The following CCDC122 variants were observed in gnomAD, a reference collection of about 807,000 sequenced individuals.
CCDC122 encodes the protein coiled-coil domain-containing protein 122.
Under a neutral mutation model 37.0 loss-of-function variants are expected in CCDC122, and 38 were observed. The observed-to-expected ratio is 1.03, with a 90% confidence interval of 0.79 to 1.35. CCDC122 has a LOEUF of 1.35. Ranked by LOEUF, CCDC122 falls within the 40% of genes most tolerant of loss-of-function variation. CCDC122 has a pLI of 0.00. For synonymous variants in CCDC122, 83 were observed against 95.6 expected (o/e 0.87, Z 0.77); for missense variants, 305 against 310.0 (o/e 0.98, Z 0.12).
At chr13:43,830,161 C>T (rs1476016309) in intron 3 of CCDC122, among the ~76,000 whole-genome samples, 2 of 152,164 alleles carry the variant, frequency 1.3e-5, no homozygotes, top group African/African-American at 4.8e-5. Context: ...CAGGAGTGAG[C>T]CACCGCGCCC....
chr13:43,854,594 G>A (rs1953846282), intron 6 of CCDC122: 1 of 152,150 alleles, frequency 6.6e-6, no homozygotes. Flanking sequence ...CCAAAAAATT[G>A]AGGAGGATGG....
chr13:43,830,924 TGA>T (rs1354678783), intron 3 of CCDC122, among the ~76,000 whole-genome samples: 1 of 152,054 alleles, frequency 6.6e-6, no homozygotes, highest in Non-Finnish European at 1.5e-5. Flanking sequence ...GAAAGAAACA[TGA>T]GAGAATTACA....
In CCDC122 at chr13:43,859,834, TTTTGCATAATA is replaced by T. The variant is rs1407392383; in HGVS notation, c.382_392del (p.Tyr128AsnfsTer5). 3 of 1,609,666 alleles carry T rather than the reference TTTTGCATAATA, an allele frequency of 1.9e-6. No homozygotes were observed. The highest frequency in any genetic ancestry group is 1.7e-6 in the Non-Finnish European group (2 of 1,178,524). ...CCAAACTATTTTTATGTGCTTTTAT[TTTTGCATAATA>T]TGCATTATATTTTATCATGTGTTCC... On this transcript the variant is annotated frameshift_variant, in exon 5 of 7. Transcript: ENST00000444614. LOFTEE classifies it high-confidence loss of function.
chr13:43,837,038 A>C lies in CCDC122; in HGVS notation c.*242T>G. The C allele has an allele frequency of 2.3e-6, 1 of 427,312 alleles. No homozygotes were observed. Among genetic ancestry groups the C allele is most frequent in the Non-Finnish European group, 4.2e-6 (1 of 240,800 alleles). 26.5% of individuals were successfully genotyped at this position (427,312 alleles called of 1,614,324 possible). A position where few individuals can be genotyped will look rare whatever the true frequency, so the allele number is the denominator to read the frequency against. ...TTACACACTCCAAATAGTCACAGAGACTCTTGCATTATTTTCCCGTAGACA... is the reference window on the plus strand; with the variant it reads ...TTACACACTCCAAATAGTCACAGAGCCTCTTGCATTATTTTCCCGTAGACA... On this transcript the variant is annotated 3_prime_UTR_variant, in exon 7 of 7. Coordinates refer to ENST00000444614, the MANE Select transcript of CCDC122 (RefSeq NM_144974.5).
chr13:43,847,332 T>A (rs1270390199), intron 6 of CCDC122, among the ~76,000 whole-genome samples: 1 of 152,130 alleles, frequency 6.6e-6, no homozygotes, highest in African/African-American at 2.4e-5. Flanking sequence ...GAGGTGAGAG[T>A]AATGATAGAG....
chr13:43,851,163 T>C (rs561994035), intron 6 of CCDC122, among the ~76,000 whole-genome samples: 1 of 152,200 alleles, frequency 6.6e-6, no homozygotes, highest in Non-Finnish European at 1.5e-5. Flanking sequence ...AAAGAATGTG[T>C]TACCAGCAGA....
In CCDC122 at chr13:43,837,157, C is replaced by G; in HGVS notation, c.*123G>C. On this transcript the variant is annotated 3_prime_UTR_variant, in exon 7 of 7. Coordinates refer to ENST00000444614, the MANE Select transcript of CCDC122 (RefSeq NM_144974.5). ...TAAAAAAAACAACAACCGAAGACAT[C>G]TGTCATTAAGACAGGTCTCTAATAG... is the stretch of plus-strand genomic sequence containing the variant. The G allele has an allele frequency of 2.1e-6, 2 of 930,398 alleles. No homozygotes were observed. The highest frequency in any genetic ancestry group is 3.2e-6 in the Non-Finnish European group (2 of 627,160). The allele number at this position is 930,398 out of a possible 1,614,324, so 57.6% of individuals were successfully genotyped here. A position where few individuals can be genotyped will look rare whatever the true frequency, so the allele number is the denominator to read the frequency against.
intron 6 of CCDC122, among the ~76,000 whole-genome samples, chr13:43,837,847 G>C (rs1953217619): frequency 6.6e-6 from 1 of 152,218 alleles, no homozygotes; most frequent in South Asian, 2.1e-4. Flanking sequence ...TGCCCTGGGG[G>C]ACTCTACTTT....
chr13:43,824,692 A>T (rs1953023198), intron 3 of CCDC122, among the ~76,000 whole-genome samples: 1 of 152,216 alleles, frequency 6.6e-6, no homozygotes, highest in African/African-American at 2.4e-5. Context: ...AAGGAACTTA[A>T]ACAAATCAAC....
intron 6 of CCDC122, among the ~76,000 whole-genome samples, chr13:43,837,819 C>G (rs1205269190): frequency 6.6e-6 from 1 of 152,108 alleles, no homozygotes; most frequent in Non-Finnish European, 1.5e-5. Context: ...AAGAGAGTTA[C>G]CGGTGTTAAA....
chr13:43,874,111 G>A (rs1168353830), intron 2 of CCDC122, among the ~76,000 whole-genome samples: 3 of 152,148 alleles, frequency 2.0e-5, no homozygotes, highest in Non-Finnish European at 4.4e-5. Flanking sequence ...AATTGTTTCA[G>A]TATTTCTATT....
At chr13:43,828,599 CGT>C (rs1953061775) in intron 3 of CCDC122, among the ~76,000 whole-genome samples, 2 of 136,324 alleles carry the variant, frequency 1.5e-5, no homozygotes, top group Admixed American at 7.4e-5. Context: ...CACACACACA[CGT>C]GTCTTTCTTG....
At chr13:43,828,922 A>G (rs772631921) in intron 3 of CCDC122, among the ~76,000 whole-genome samples, 6 of 152,178 alleles carry the variant, frequency 3.9e-5, no homozygotes, top group Non-Finnish European at 8.8e-5. Context: ...AGCATCATTA[A>G]TTTACAAGTT....
chr13:43,869,198 G>A (rs1293879730), intron 3 of CCDC122, 133 bp downstream of exon 3: 3 of 713,370 alleles, frequency 4.2e-6, no homozygotes, highest in African/African-American at 1.8e-5. Context: ...CACTGTATAT[G>A]TTTGTCCCAG....
At chr13:43,831,204 G>C (rs1953085934) in intron 3 of CCDC122, among the ~76,000 whole-genome samples, 2 of 151,980 alleles carry the variant, frequency 1.3e-5, no homozygotes, top group African/African-American at 4.8e-5. Flanking sequence ...AACGACACTT[G>C]AGAGTGGCTA....
rs1203629692 is a variant in CCDC122 at position 43,858,936 on chromosome 13, A to C, written c.556-39T>G. On this transcript the variant is annotated intron_variant, in intron 5 of 6. Coordinates refer to ENST00000444614, the MANE Select transcript of CCDC122 (RefSeq NM_144974.5). The stretch of plus-strand genomic sequence containing the variant: ...ACATTTGAAATATAGAAGTCAAAAA[A>C]GGATGATCAATATAAATCCAATTTT... The C allele has an allele frequency of 2.3e-6, 3 of 1,325,254 alleles. No homozygotes were observed. The South Asian group carries it at 4.5e-5, about 20-fold the overall frequency. The allele number at this position is 1,325,254 out of a possible 1,614,324, so 82.1% of individuals were successfully genotyped here. A position where few individuals can be genotyped will look rare whatever the true frequency, so the allele number is the denominator to read the frequency against.
intron 3 of CCDC122, among the ~76,000 whole-genome samples, chr13:43,825,544 T>C (rs1348077173): frequency 6.6e-6 from 1 of 152,050 alleles, no homozygotes; most frequent in African/African-American, 2.4e-5. Flanking sequence ...CCAACTTGGG[T>C]GGATCACCTG....
At chr13:43,861,311 C>G (rs1156927653) in intron 4 of CCDC122, among the ~76,000 whole-genome samples, 1 of 152,150 alleles carries the variant, frequency 6.6e-6, no homozygotes, top group Admixed American at 6.5e-5. Context: ...GTTACATAAT[C>G]AAACCCAGAG....
intron 4 of CCDC122, among the ~76,000 whole-genome samples, chr13:43,866,172 A>C (rs1036000007): frequency 1.1e-4 from 17 of 152,210 alleles, no homozygotes; most frequent in Non-Finnish European, 4.4e-5. Flanking sequence ...TTAAATTTAC[A>C]AATTGTTTAT....
Sources: gnomAD v4.1 joint callset for allele counts (sites outside exome capture counted in the v4.1 genomes callset) on GRCh38, gnomAD v4.1.1 for gene constraint, MANE v1.5 for transcripts, NCBI Gene and HGNC (gene_info 2026-07-23, HGNC 2026-07-21) for gene names.